HSD17B12: variants seen among roughly 807,000 people sequenced by gnomAD.
HSD17B12 encodes very-long-chain 3-oxoacyl-CoA reductase.
HSD17B12 carries 32 observed loss-of-function variants against 39.3 expected under a neutral mutation model. The ratio of observed to expected loss-of-function variants is 0.81; its 90% confidence interval spans 0.61 to 1.09. The LOEUF is 1.09. HSD17B12 is among the 50% of genes least tolerant of loss of function. The pLI is 0.00. For synonymous variants in HSD17B12, 150 were observed against 146.7 expected, an observed-to-expected ratio of 1.02 and a Z score of -0.16; for missense variants, 342 against 382.9, an observed-to-expected ratio of 0.89 and a Z score of 0.89.
the HSD17B12 span, chr11:43,673,286 G>A: frequency 6.6e-6 from 1 of 152,026 alleles, no homozygotes; most frequent in African/African-American, 2.4e-5. Context: ...GACTAAATGG[G>A]AATATTTGTA....
intron 1 of HSD17B12, among the ~76,000 whole-genome samples, chr11:43,693,523 T>A (rs1949882403): frequency 6.6e-6 from 1 of 152,184 alleles, no homozygotes; most frequent in Non-Finnish European, 1.5e-5. Context: ...TCATTGTATA[T>A]AGTGGTGCAA....
At chr11:43,830,619 T>G (rs1951299078) in intron 6 of HSD17B12, 1 of 157,724 alleles carries the variant, frequency 6.3e-6, no homozygotes, top group Non-Finnish European at 1.4e-5. Flanking sequence ...GTAGGCAGGA[T>G]ATTTCTTCTG....
At chr11:43,713,383 G>T (rs2134841658) in intron 1 of HSD17B12, among the ~76,000 whole-genome samples, 1 of 150,232 alleles carries the variant, frequency 6.7e-6, no homozygotes, top group East Asian at 2.0e-4. Context: ...GTGGTGTTTG[G>T]TTTTTTGTCT....
intron 1 of HSD17B12, among the ~76,000 whole-genome samples, chr11:43,721,287 TGGC>T (rs1950173779): frequency 3.3e-5 from 5 of 151,894 alleles, no homozygotes. Flanking sequence ...TGACGTTGAG[TGGC>T]CTTAGTGTGA....
chr11:43,615,143 C>T, the HSD17B12 span, among the ~76,000 whole-genome samples: 1 of 152,064 alleles, frequency 6.6e-6, no homozygotes, highest in Non-Finnish European at 1.5e-5. Flanking sequence ...TACCTTGATC[C>T]TTTGAAGTTT....
At chr11:43,616,701 T>C in the HSD17B12 span, among the ~76,000 whole-genome samples, 1 of 150,584 alleles carries the variant, frequency 6.6e-6, no homozygotes, top group Non-Finnish European at 1.5e-5. Flanking sequence ...CCAGGTGATC[T>C]GCATCCAAAA....
At chr11:43,719,218 G>C in intron 1 of HSD17B12, 1 of 647,444 alleles carries the variant, frequency 1.5e-6, no homozygotes, top group East Asian at 2.9e-5. Context: ...TCAATTTCTG[G>C]TTGGGCTGGG....
chr11:43,719,543 T>C (rs541407109), intron 1 of HSD17B12, among the ~76,000 whole-genome samples: 1 of 151,816 alleles, frequency 6.6e-6, no homozygotes, highest in African/African-American at 2.4e-5. Flanking sequence ...TTTGTCCTCA[T>C]ACACCCATCT....
chr11:43,691,719 T>G (rs1565050357), intron 1 of HSD17B12, among the ~76,000 whole-genome samples: 1 of 152,242 alleles, frequency 6.6e-6, no homozygotes. Context: ...CTTTTGATCT[T>G]GGCCTTGTGT....
the HSD17B12 span, among the ~76,000 whole-genome samples, chr11:43,609,137 G>A: frequency 3.3e-5 from 5 of 150,978 alleles, no homozygotes; most frequent in South Asian, 4.2e-4. Context: ...ACCAATTTTC[G>A]TCATGTTGTC....
At chr11:43,678,979 T>C (rs4755733), upstream of HSD17B12, among the ~76,000 whole-genome samples, 95,457 of 152,026 alleles carry the variant, frequency 0.63, 30,504 homozygotes, top group East Asian at 0.89. Context: ...AAGAAAGTCA[T>C]TGGTAGCTTG....
At chr11:43,734,990 C>T (rs1233061069) in intron 1 of HSD17B12, among the ~76,000 whole-genome samples, 1 of 152,182 alleles carries the variant, frequency 6.6e-6, no homozygotes, top group East Asian at 1.9e-4. Context: ...ATGGACTTAC[C>T]TATTTATTCT....
chr11:43,736,118 A>G (rs1950314059), intron 1 of HSD17B12, among the ~76,000 whole-genome samples: 1 of 152,222 alleles, frequency 6.6e-6, no homozygotes, highest in Non-Finnish European at 1.5e-5. Flanking sequence ...ATGTGGCATT[A>G]ACCAAAATGA....
the HSD17B12 span, chr11:43,644,417 C>G: frequency 1.3e-5 from 2 of 152,168 alleles, no homozygotes; most frequent in Admixed American, 6.6e-5. Context: ...TGGGATTTGC[C>G]GTCGTTATAG....
chr11:43,807,161 A>G (rs539246190), intron 4 of HSD17B12, among the ~76,000 whole-genome samples: 7 of 152,322 alleles, frequency 4.6e-5, no homozygotes, highest in African/African-American at 1.7e-4. Flanking sequence ...GTAAAATTCC[A>G]GAGCTATAAC....
At chr11:43,851,739 T>C (rs1422601475) in intron 9 of HSD17B12, among the ~76,000 whole-genome samples, 4 of 152,214 alleles carry the variant, frequency 2.6e-5, no homozygotes, top group Non-Finnish European at 1.5e-5. Context: ...AGTACTGTTC[T>C]AAAACATTAA....
At chr11:43,842,127 C>T (rs969737671) in intron 9 of HSD17B12, among the ~76,000 whole-genome samples, 1 of 152,162 alleles carries the variant, frequency 6.6e-6, no homozygotes, top group Non-Finnish European at 1.5e-5. Context: ...CAACATTGAA[C>T]ACTTACTGGA....
chr11:43,781,129 A>T (rs915042084), intron 3 of HSD17B12, among the ~76,000 whole-genome samples: 1 of 152,170 alleles, frequency 6.6e-6, no homozygotes, highest in Non-Finnish European at 1.5e-5. Context: ...GGTGACCTAT[A>T]AAATTTCCTC....
the HSD17B12 span, among the ~76,000 whole-genome samples, chr11:43,590,121 G>A: frequency 1.3e-5 from 2 of 152,086 alleles, no homozygotes; most frequent in African/African-American, 4.8e-5. Flanking sequence ...GGAGAAAAGT[G>A]AATGTAAAAT....
Sources: allele counts gnomAD v4.1 joint callset (sites outside exome capture counted in the v4.1 genomes callset), GRCh38; gene constraint gnomAD v4.1.1; transcripts MANE v1.5; gene names NCBI Gene and HGNC (gene_info 2026-07-23, HGNC 2026-07-21).